The following PIEZO2 variants were observed in gnomAD, a reference collection of about 807,000 sequenced individuals.
The protein encoded by PIEZO2 is piezo-type mechanosensitive ion channel component 2.
Under a neutral mutation model 337.3 loss-of-function variants are expected in PIEZO2, and 172 were observed. The observed-to-expected ratio is 0.51, with a 90% confidence interval of 0.45 to 0.58. PIEZO2 has a LOEUF of 0.58. Ranked by LOEUF, PIEZO2 falls within the 20% of genes least tolerant of loss-of-function variation. The pLI, the probability that PIEZO2 is intolerant of heterozygous loss-of-function variation, is 0.00. For synonymous variants in PIEZO2, 1,251 were observed against 1,228.5 expected (o/e 1.02, Z -0.38); for missense variants, 3,028 against 3,391.3 (o/e 0.89, Z 2.66).
rs984419681 is a variant in PIEZO2 at position 11,149,145 on chromosome 18, G to T, written c.-557C>A. Among the ~76,000 whole-genome samples the T allele has an allele frequency of 6.6e-6, 1 of 152,120 alleles. No homozygotes were observed. Among genetic ancestry groups the T allele is most frequent in the Non-Finnish European group, 1.5e-5 (1 of 68,024 alleles). ...TCTGGCCTCGGCCCCGGCTCTCGGAGCTGCCCGGCGGGCTCCGGGTCTCGC... is the reference window on the plus strand; with the variant it reads ...TCTGGCCTCGGCCCCGGCTCTCGGATCTGCCCGGCGGGCTCCGGGTCTCGC... On this transcript the variant is annotated 5_prime_UTR_variant, in exon 1 of 56. Transcript: ENST00000674853. The surrounding 1 kb of genome is among the most constrained non-coding windows in gnomAD (Gnocchi z 8.7).
chr18:10,772,335 G>C (rs2038633421), intron 20 of PIEZO2, among the ~76,000 whole-genome samples: 1 of 152,210 alleles, frequency 6.6e-6, no homozygotes, highest in African/African-American at 2.4e-5. Context: ...ACAGACATGA[G>C]GGATTGAGAG....
At chr18:11,068,390 G>T (rs2038224612) in intron 1 of PIEZO2, among the ~76,000 whole-genome samples, 1 of 152,070 alleles carries the variant, frequency 6.6e-6, no homozygotes, top group Admixed American at 6.6e-5. Flanking sequence ...CAGAAAATTT[G>T]CAAATACACG....
Position 10,797,574 on chromosome 18 carries a change from T to C in PIEZO2, c.1379-52A>G, listed in dbSNP as rs1407450663. The stretch of plus-strand genomic sequence containing the variant: ...TATTTATGCAAACATGTGACATTTG[T>C]ATAAATGTTCCAAGCAATGCAGCAC... On this transcript the variant is annotated intron_variant, in intron 11 of 55. Transcript: ENST00000674853. The C allele has an allele frequency of 3.9e-6, 6 of 1,528,974 alleles. No homozygotes were observed. The African/African-American group carries it at 5.5e-5, about 14-fold the overall frequency. 94.7% of individuals were successfully genotyped at this position (1,528,974 alleles called of 1,614,324 possible).
At chr18:10,889,659 G>T (rs908623841) in intron 4 of PIEZO2, among the ~76,000 whole-genome samples, 3 of 152,150 alleles carry the variant, frequency 2.0e-5, no homozygotes, top group African/African-American at 7.2e-5. Flanking sequence ...ACATCTACCT[G>T]TGTGTGACCT....
intron 18 of PIEZO2, among the ~76,000 whole-genome samples, chr18:10,774,679 GT>G (rs371792915): frequency 6.6e-6 from 1 of 151,952 alleles, no homozygotes; most frequent in Admixed American, 6.6e-5. Context: ...TTCTCCTACA[GT>G]TTTTTTTAAA....
chr18:11,022,584 C>A (rs2036351072), intron 2 of PIEZO2, among the ~76,000 whole-genome samples: 1 of 152,140 alleles, frequency 6.6e-6, no homozygotes, highest in African/African-American at 2.4e-5. Flanking sequence ...TCTTACAGGA[C>A]CCCAGTGCTA....
intron 2 of PIEZO2, among the ~76,000 whole-genome samples, chr18:11,052,329 C>G (rs891803549): frequency 6.6e-6 from 1 of 152,216 alleles, no homozygotes; most frequent in Non-Finnish European, 1.5e-5. Flanking sequence ...TGAGTTAACA[C>G]TTCCTCAGGA....
Position 10,981,753 on chromosome 18 carries a change from G to A in PIEZO2, c.161-2093C>T, listed in dbSNP as rs182124940. Among the ~76,000 whole-genome samples the A allele has an allele frequency of 2.5e-3, 374 of 152,324 alleles. 1 individual carries two copies. Among genetic ancestry groups the A allele is most frequent in the Admixed American group, 3.9e-3 (59 of 15,302 alleles). ...GGGCACCATTTAATCAGCTGCCAAT[G>A]TGGCTAGGATAAAAGCAGGCAGAGG... On this transcript the variant is annotated intron_variant, in intron 2 of 55. Transcript: ENST00000674853.
intron 30 of PIEZO2, 110 bp from the exon 31 acceptor site, chr18:10,744,341 C>T (rs1598425525): frequency 1.4e-6 from 1 of 700,514 alleles, no homozygotes; most frequent in Non-Finnish European, 2.4e-6. Context: ...TTAATGGCAG[C>T]TGCTTGTAGT....
chr18:11,031,619 G>A lies in PIEZO2; in HGVS notation c.160+34508C>T, dbSNP rs148461074. ...GGTAATATTCAATATATTTAACCAC[G>A]AGTCTAACATAGACACCAGCTACTC... On this transcript the variant is annotated intron_variant, in intron 2 of 55. Coordinates refer to ENST00000674853, the MANE Select transcript of PIEZO2 (RefSeq NM_001378183.1). This position sits in a 1 kb window ranked among gnomAD's most constrained non-coding sequence, Gnocchi z 4.7. 7.9e-5 allele frequency among the ~76,000 whole-genome samples: 12 copies of A among 151,806 alleles called. No individual in the cohort carries two copies. The highest frequency in any genetic ancestry group is 2.1e-4 in the South Asian group (1 of 4,784).
chr18:11,107,462 C>G (rs1285880277), intron 1 of PIEZO2, among the ~76,000 whole-genome samples: 1 of 151,994 alleles, frequency 6.6e-6, no homozygotes, highest in Admixed American at 6.5e-5. Flanking sequence ...GAGTTTTTTT[C>G]TGCTTCTCCA....
At chr18:10,714,324 T>G (rs2035929957) in intron 39 of PIEZO2, among the ~76,000 whole-genome samples, 1 of 152,210 alleles carries the variant, frequency 6.6e-6, no homozygotes, top group South Asian at 2.1e-4. Flanking sequence ...GAATACTTTT[T>G]GGGAATTTTT....
chr18:10,770,962 C>G (rs2038581538), intron 20 of PIEZO2, among the ~76,000 whole-genome samples: 5 of 152,124 alleles, frequency 3.3e-5, no homozygotes, highest in Admixed American at 3.3e-4. Flanking sequence ...AACTCTTGGC[C>G]TCAAATGATC....
intron 7 of PIEZO2, among the ~76,000 whole-genome samples, chr18:10,818,403 T>A (rs2040426706): frequency 6.6e-6 from 1 of 152,240 alleles, no homozygotes; most frequent in Non-Finnish European, 1.5e-5. Flanking sequence ...GCCTTGAATA[T>A]GTCCTGAATA....
chr18:11,148,685 C>G lies in PIEZO2; in HGVS notation c.-97G>C. ...CATGCCCGTCTATGGCCTCTCGCCG[C>G]CGGCAGCTCGCAGCCACCCGAGCAT... On this transcript the variant is annotated 5_prime_UTR_variant, in exon 1 of 56. Coordinates refer to ENST00000674853, the MANE Select transcript of PIEZO2 (RefSeq NM_001378183.1). The surrounding 1 kb of genome is among the most constrained non-coding windows in gnomAD (Gnocchi z 5.2). 3 of 1,331,832 alleles carry G rather than the reference C, an allele frequency of 2.3e-6. No homozygotes were observed. The highest frequency in any genetic ancestry group is 3.1e-6 in the Non-Finnish European group (3 of 970,340). 82.5% of individuals were successfully genotyped at this position (1,331,832 alleles called of 1,614,324 possible). A position where few individuals can be genotyped will look rare whatever the true frequency, so the allele number is the denominator to read the frequency against.
chr18:10,986,719 A>C (rs1025689930), intron 2 of PIEZO2, among the ~76,000 whole-genome samples: 1 of 152,000 alleles, frequency 6.6e-6, no homozygotes, highest in East Asian at 1.9e-4. Flanking sequence ...TACTAACCGG[A>C]ACAGTTATGG....
At chr18:10,751,351 G>C (rs1043675355) in intron 28 of PIEZO2, among the ~76,000 whole-genome samples, 1 of 152,184 alleles carries the variant, frequency 6.6e-6, no homozygotes, top group Non-Finnish European at 1.5e-5. Context: ...TCTGGCAACA[G>C]ATTCCTCACC....
At position 10,868,674 on chromosome 18, in the gene PIEZO2, C is replaced by T. The variant is rs138688344; in HGVS notation, c.492+2579G>A. On this transcript the variant is annotated intron_variant, in intron 5 of 55. Coordinates refer to ENST00000674853, the MANE Select transcript of PIEZO2 (RefSeq NM_001378183.1). ...TGTGATTAATAATACATAAGGCTTA[C>T]ATATTCAAGCAAATTTCAAATGGAA... Among the ~76,000 whole-genome samples the T allele has an allele frequency of 3.7e-3, 570 of 152,286 alleles. 3 individuals carry two copies. Among genetic ancestry groups the T allele is most frequent in the Non-Finnish European group, 6.4e-3 (438 of 68,016 alleles).
At chr18:10,965,521 C>T (rs1683008018) in intron 3 of PIEZO2, among the ~76,000 whole-genome samples, 2 of 152,162 alleles carry the variant, frequency 1.3e-5, no homozygotes, top group African/African-American at 4.8e-5. Context: ...TTTTAAAAAA[C>T]ATCTGTCTAT....
Sources: allele counts gnomAD v4.1 joint callset (sites outside exome capture counted in the v4.1 genomes callset), GRCh38; gene constraint gnomAD v4.1.1; non-coding constraint Gnocchi (gnomAD v3.1); transcripts MANE v1.5; gene names NCBI Gene and HGNC (gene_info 2026-07-23, HGNC 2026-07-21).